The following JAZF1 variants were observed in gnomAD, a reference collection of about 807,000 sequenced individuals.
JAZF1 encodes the protein juxtaposed with another zinc finger protein 1.
Under a neutral mutation model 26.4 loss-of-function variants are expected in JAZF1, and 8 were observed. The ratio of observed to expected loss-of-function variants is 0.30; its 90% CI spans 0.18 to 0.55. The LOEUF (loss-of-function observed/expected upper bound fraction) is 0.55. JAZF1 is among the 20% of genes least tolerant of loss of function. JAZF1 has a pLI of 0.94. For missense variants in JAZF1, 199 were observed against 322.0 expected (o/e 0.62, Z 2.92); for synonymous variants, 126 against 122.3 (o/e 1.03, Z -0.20).
At chr7:27,849,224 C>T (rs145707095) in intron 3 of JAZF1, among the ~76,000 whole-genome samples, 20 of 152,282 alleles carry the variant, frequency 1.3e-4, no homozygotes, top group African/African-American at 3.4e-4. Flanking sequence ...TGGAGTCGCT[C>T]AAAACCACAC....
At chr7:28,065,597 T>C (rs1403935814) in intron 1 of JAZF1, among the ~76,000 whole-genome samples, 2 of 152,226 alleles carry the variant, frequency 1.3e-5, no homozygotes, top group Non-Finnish European at 2.9e-5. Flanking sequence ...ATTTTGCAAC[T>C]ATTTCGAAAA....
Position 27,835,735 on chromosome 7 carries a change from T to A in JAZF1, c.556-2759A>T, listed in dbSNP as rs150286379. 8.4e-3 allele frequency among the ~76,000 whole-genome samples: 1,280 copies of A among 152,298 alleles called. 20 individuals are homozygous for A. The highest frequency in any genetic ancestry group is 0.029 in the African/African-American group (1,217 of 41,556). On this transcript the variant is annotated intron_variant, in intron 4 of 4. Coordinates refer to ENST00000283928, the MANE Select transcript of JAZF1 (RefSeq NM_175061.4). ...TCAGTTACAGGCCGCGGGAACGTCCTCTTTACAAGACCAGAGGAGCTCTGA... is the reference window on the plus strand; with the variant it reads ...TCAGTTACAGGCCGCGGGAACGTCCACTTTACAAGACCAGAGGAGCTCTGA...
At chr7:28,139,037 G>A (rs2127944919) in intron 1 of JAZF1, among the ~76,000 whole-genome samples, 1 of 152,274 alleles carries the variant, frequency 6.6e-6, no homozygotes, top group Middle Eastern at 3.4e-3. Context: ...CCACTGCCCA[G>A]CACTGAAGAT....
chr7:27,898,286 C>CAT (rs10638646), intron 2 of JAZF1, among the ~76,000 whole-genome samples: 9,345 of 99,510 alleles, frequency 0.094, 523 homozygotes, highest in African/African-American at 0.15. Context: ...ACGTCTAACT[C>CAT]ATATATATAT....
At chr7:27,976,604 T>C (rs1242135448) in intron 2 of JAZF1, among the ~76,000 whole-genome samples, 1 of 152,074 alleles carries the variant, frequency 6.6e-6, no homozygotes, top group Non-Finnish European at 1.5e-5. Context: ...CAGCAGAACC[T>C]TAGTTCTAGT....
At chr7:28,082,131 C>T (rs1470601483) in intron 1 of JAZF1, among the ~76,000 whole-genome samples, 2 of 152,072 alleles carry the variant, frequency 1.3e-5, no homozygotes, top group Middle Eastern at 3.2e-3. Flanking sequence ...AGACTTGAAA[C>T]TTTAGCCTGC....
At chr7:27,875,525 C>T (rs1297967301) in intron 3 of JAZF1, among the ~76,000 whole-genome samples, 1 of 152,336 alleles carries the variant, frequency 6.6e-6, no homozygotes, top group Middle Eastern at 3.4e-3. Flanking sequence ...CCCCACCCAC[C>T]AGACCTAGCT....
chr7:28,099,553 C>T (rs933191502), intron 1 of JAZF1, among the ~76,000 whole-genome samples: 1 of 152,010 alleles, frequency 6.6e-6, no homozygotes, highest in Non-Finnish European at 1.5e-5. Context: ...CTCGACTCAC[C>T]GCAACCTCCA....
At chr7:27,988,440 T>C (rs922982366) in intron 2 of JAZF1, among the ~76,000 whole-genome samples, 2 of 151,438 alleles carry the variant, frequency 1.3e-5, no homozygotes, top group Admixed American at 6.6e-5. Flanking sequence ...AGTGGTGCCA[T>C]CGTAGCTCAC....
chr7:28,098,163 T>C (rs956516339), intron 1 of JAZF1, among the ~76,000 whole-genome samples: 1 of 152,096 alleles, frequency 6.6e-6, no homozygotes, highest in African/African-American at 2.4e-5. Flanking sequence ...TGGATGGGAT[T>C]AGTGCCCTCA....
intron 2 of JAZF1, among the ~76,000 whole-genome samples, chr7:27,904,418 T>C (rs1043319027): frequency 6.6e-6 from 1 of 152,220 alleles, no homozygotes; most frequent in African/African-American, 2.4e-5. Context: ...AAACAGCAAG[T>C]GGAGTAATCA....
chr7:28,104,967 C>G (rs1379254859), intron 1 of JAZF1, among the ~76,000 whole-genome samples: 2 of 152,172 alleles, frequency 1.3e-5, no homozygotes, highest in Non-Finnish European at 2.9e-5. Flanking sequence ...AACCATGTCT[C>G]ACCCGAGGTG....
At chr7:27,993,949 G>A (rs184575528) in intron 1 of JAZF1, among the ~76,000 whole-genome samples, 2 of 152,268 alleles carry the variant, frequency 1.3e-5, no homozygotes, top group Admixed American at 1.3e-4. Context: ...TCATTTGCTT[G>A]TCTTCATTCC....
At chr7:28,174,795 C>T (rs1310731271) in intron 1 of JAZF1, among the ~76,000 whole-genome samples, 1 of 110,460 alleles carries the variant, frequency 9.1e-6, no homozygotes, top group African/African-American at 2.8e-5. Flanking sequence ...ATTTCGGGTT[C>T]CCTGATCCTG....
intron 1 of JAZF1, among the ~76,000 whole-genome samples, chr7:28,086,382 G>C (rs951849341): frequency 6.6e-6 from 1 of 152,228 alleles, no homozygotes; most frequent in African/African-American, 2.4e-5. Flanking sequence ...TAAAGAGGAA[G>C]CTCTGCCCAT....
chr7:27,896,238 A>G (rs998698715), intron 2 of JAZF1, among the ~76,000 whole-genome samples: 2 of 152,224 alleles, frequency 1.3e-5, no homozygotes, highest in African/African-American at 4.8e-5. Flanking sequence ...TAATATTCAA[A>G]CTTTGTTCTT....
intron 1 of JAZF1, among the ~76,000 whole-genome samples, chr7:28,005,882 T>TAAAAAA: frequency 7.2e-6 from 1 of 138,050 alleles, no homozygotes. Context: ...TTCTGTTGCT[T>TAAAAAA]AAAAAAAAAA....
At chr7:27,997,630 C>G (rs1786043233) in intron 1 of JAZF1, among the ~76,000 whole-genome samples, 1 of 152,172 alleles carries the variant, frequency 6.6e-6, no homozygotes, top group Admixed American at 6.5e-5. Flanking sequence ...ATGGTGGAAT[C>G]AGACCATAGC....
intron 4 of JAZF1, among the ~76,000 whole-genome samples, chr7:27,835,443 C>G (rs772233036): frequency 1.8e-4 from 28 of 152,140 alleles, no homozygotes; most frequent in Non-Finnish European, 3.5e-4. Flanking sequence ...TGAATGTAAA[C>G]ATTATGTTGT....
Sources: gnomAD v4.1 joint callset for allele counts (sites outside exome capture counted in the v4.1 genomes callset) on GRCh38, gnomAD v4.1.1 for gene constraint, MANE v1.5 for transcripts, NCBI Gene and HGNC (gene_info 2026-07-23, HGNC 2026-07-21) for gene names.